Variants in ATE1 observed in about 807,000 individuals in gnomAD.
ATE1 encodes arginyl-tRNA--protein transferase 1.
ATE1 carries 36 observed loss-of-function variants against 70.5 expected under a neutral mutation model. That is an observed-to-expected ratio of 0.51 (90% CI 0.39 to 0.67). ATE1 has a LOEUF of 0.67. Among genes scored for constraint, ATE1 ranks in the 30% least tolerant of loss-of-function variants. The pLI is 0.00. For synonymous variants in ATE1, 232 were observed against 219.3 expected (o/e 1.06, Z -0.51); for missense variants, 593 against 629.5 (o/e 0.94, Z 0.62).
At chr10:121,808,627 T>A (rs753108178) in intron 10 of ATE1, among the ~76,000 whole-genome samples, 4 of 152,220 alleles carry the variant, frequency 2.6e-5, no homozygotes, top group Admixed American at 2.6e-4. Context: ...TCTTCAACTA[T>A]AAATATTATA....
At chr10:121,819,679 C>CAAA (rs57035123) in intron 10 of ATE1, among the ~76,000 whole-genome samples, 5,983 of 52,686 alleles carry the variant, frequency 0.11, 1,763 homozygotes, top group Middle Eastern at 0.35. Flanking sequence ...AAGACTGTCT[C>CAAA]AAAAAAAAAA....
chr10:121,839,336 A>T (rs771786765), intron 9 of ATE1, among the ~76,000 whole-genome samples: 6 of 152,216 alleles, frequency 3.9e-5, no homozygotes, highest in Admixed American at 6.5e-5. Context: ...TTTCAGACAC[A>T]GGCCAGAGCT....
intron 10 of ATE1, among the ~76,000 whole-genome samples, chr10:121,802,998 G>A (rs568840770): frequency 2.0e-4 from 30 of 152,338 alleles, no homozygotes; most frequent in Non-Finnish European, 4.0e-4. Context: ...TAGATTGGAA[G>A]GGTCAGCGTT....
intron 3 of ATE1, among the ~76,000 whole-genome samples, chr10:121,917,689 G>C (rs1951715752): frequency 6.6e-6 from 1 of 152,082 alleles, no homozygotes; most frequent in Non-Finnish European, 1.5e-5. Context: ...GTTGCTTAAA[G>C]ACAGGGAGAT....
chr10:121,747,096 G>A (rs1251606313), intron 11 of ATE1, among the ~76,000 whole-genome samples: 1 of 152,184 alleles, frequency 6.6e-6, no homozygotes, highest in Non-Finnish European at 1.5e-5. Context: ...CTGACAAACA[G>A]CTTGGGATGG....
At chr10:121,748,469 C>T (rs183701149) in intron 11 of ATE1, among the ~76,000 whole-genome samples, 126 of 152,248 alleles carry the variant, frequency 8.3e-4, no homozygotes, top group African/African-American at 3.0e-3. Context: ...AAATTACACA[C>T]TGTCATATTT....
chr10:121,837,663 A>AT (rs1948478642), intron 9 of ATE1, among the ~76,000 whole-genome samples: 1 of 152,156 alleles, frequency 6.6e-6, no homozygotes, highest in Non-Finnish European at 1.5e-5. Flanking sequence ...TATTCTGTGC[A>AT]TTTTTCTACT....
At chr10:121,927,471 C>A (rs1340453615) in intron 1 of ATE1, 7 of 985,114 alleles carry the variant, frequency 7.1e-6, no homozygotes, top group Non-Finnish European at 8.4e-6. Flanking sequence ...GTTTCGCCCT[C>A]GCTCCCGGGA....
At chr10:121,803,599 T>C (rs751610343) in intron 10 of ATE1, among the ~76,000 whole-genome samples, 9 of 152,228 alleles carry the variant, frequency 5.9e-5, no homozygotes, top group Non-Finnish European at 1.3e-4. Flanking sequence ...TTTTTCAACA[T>C]TCTTTTTAAA....
intron 10 of ATE1, among the ~76,000 whole-genome samples, chr10:121,815,134 G>C (rs898388543): frequency 6.6e-6 from 1 of 152,104 alleles, no homozygotes; most frequent in Non-Finnish European, 1.5e-5. Context: ...CACATCTTGG[G>C]AATTTTTTTG....
intron 8 of ATE1, among the ~76,000 whole-genome samples, chr10:121,863,592 T>G (rs912228662): frequency 2.6e-5 from 4 of 152,060 alleles, no homozygotes; most frequent in African/African-American, 9.7e-5. Context: ...CACTCTGACT[T>G]AAAATTCTTA....
At chr10:121,851,139 G>A (rs1161856237) in intron 8 of ATE1, among the ~76,000 whole-genome samples, 1 of 142,702 alleles carries the variant, frequency 7.0e-6, no homozygotes, top group East Asian at 2.2e-4. Context: ...TCAGTGTCCA[G>A]GCAGGGTGTG....
intron 7 of ATE1, among the ~76,000 whole-genome samples, chr10:121,878,863 G>A (rs549145256): frequency 6.6e-6 from 1 of 152,076 alleles, no homozygotes; most frequent in Non-Finnish European, 1.5e-5. Context: ...ATTACCATCA[G>A]AACCTCAAAA....
chr10:121,818,546 T>C (rs780596424), intron 10 of ATE1, among the ~76,000 whole-genome samples: 5 of 152,174 alleles, frequency 3.3e-5, no homozygotes, highest in Non-Finnish European at 7.3e-5. Flanking sequence ...AGGCCGCATA[T>C]GCTTTACCAA....
At chr10:121,927,558 G>A (rs1952147175) in intron 1 of ATE1, 4 of 983,264 alleles carry the variant, frequency 4.1e-6, no homozygotes, top group Non-Finnish European at 4.8e-6. Context: ...ACTGCGCGCC[G>A]TCCTTCACCT....
intron 10 of ATE1, among the ~76,000 whole-genome samples, chr10:121,797,291 T>C (rs80146702): frequency 0.018 from 2,670 of 152,300 alleles, 83 homozygotes; most frequent in African/African-American, 0.062. Flanking sequence ...GCAAAAAATG[T>C]TTCCAGCAAG....
chr10:121,928,300 G>A (rs768689404), upstream of ATE1: 12 of 1,505,414 alleles, frequency 8.0e-6, no homozygotes, highest in Admixed American at 4.3e-5. Context: ...CCGAGGGCCT[G>A]TGCGGGGCGC....
intron 8 of ATE1, among the ~76,000 whole-genome samples, chr10:121,856,413 C>G (rs1432768874): frequency 6.6e-6 from 1 of 151,920 alleles, no homozygotes; most frequent in Non-Finnish European, 1.5e-5. Flanking sequence ...ACCTGTAATA[C>G]CAGCTACTCA....
intron 5 of ATE1, among the ~76,000 whole-genome samples, chr10:121,905,769 C>T (rs1282937971): frequency 1.3e-5 from 2 of 152,016 alleles, no homozygotes; most frequent in African/African-American, 4.8e-5. Context: ...CGCTCAAACC[C>T]AGGAGGTAGA....
Sources: gnomAD v4.1 joint callset for allele counts (sites outside exome capture counted in the v4.1 genomes callset) on GRCh38, gnomAD v4.1.1 for gene constraint, MANE v1.5 for transcripts, NCBI Gene and HGNC (gene_info 2026-07-23, HGNC 2026-07-21) for gene names.